The following DCC variants were observed in gnomAD, a reference collection of about 807,000 sequenced individuals.
DCC encodes the protein DCC netrin 1 receptor.
In DCC, 58 loss-of-function variants were observed where a neutral mutation model predicts 172.5. The ratio of observed to expected loss-of-function variants is 0.34; its 90% confidence interval spans 0.27 to 0.42. The LOEUF is 0.42. DCC is among the 10% of genes least tolerant of loss of function. The pLI, the probability that DCC is intolerant of heterozygous loss-of-function variation, is 1.00. For synonymous variants in DCC, 709 were observed against 644.5 expected (o/e 1.10, Z -1.52); for missense variants, 1,740 against 1,791.0 (o/e 0.97, Z 0.51).
In DCC at chr18:52,670,126, C is replaced by T. The variant is rs577527471; in HGVS notation, c.92-81928C>T. 4.6e-5 allele frequency among the ~76,000 whole-genome samples: 7 copies of T among 152,326 alleles called. No individual in the cohort carries two copies. The South Asian group carries it at 8.3e-4, about 18-fold the overall frequency. On this transcript the variant is annotated intron_variant, in intron 1 of 28. Coordinates refer to ENST00000442544, the MANE Select transcript of DCC (RefSeq NM_005215.4). ...TTCTTGGACAAAATGACCAAGATGA[C>T]GCAACCTCTGTTACCCACTGTTGTC... is the stretch of plus-strand genomic sequence containing the variant.
At chr18:53,342,815 A>C (rs1018562814) in intron 15 of DCC, among the ~76,000 whole-genome samples, 2 of 147,508 alleles carry the variant, frequency 1.4e-5, no homozygotes, top group African/African-American at 2.4e-5. Flanking sequence ...AGGACTGTTT[A>C]AATTATGCAT....
chr18:52,449,206 G>T (rs1306570233), intron 1 of DCC, among the ~76,000 whole-genome samples: 2 of 152,170 alleles, frequency 1.3e-5, no homozygotes, highest in Non-Finnish European at 2.9e-5. Flanking sequence ...GGAAAGACCT[G>T]ACCCCATGAT....
At chr18:53,454,895 C>T (rs138142847) in intron 23 of DCC, among the ~76,000 whole-genome samples, 275 of 152,194 alleles carry the variant, frequency 1.8e-3, no homozygotes, top group African/African-American at 6.4e-3. Context: ...TATCTTAATT[C>T]CATCTCAGAA....
chr18:52,560,358 A>G (rs2033008530), intron 1 of DCC, among the ~76,000 whole-genome samples: 1 of 152,242 alleles, frequency 6.6e-6, no homozygotes, highest in African/African-American at 2.4e-5. Flanking sequence ...CCGTTTATTC[A>G]ACTATTAAAA....
intron 20 of DCC, among the ~76,000 whole-genome samples, chr18:53,414,046 T>C (rs1419899721): frequency 6.6e-6 from 1 of 152,160 alleles, no homozygotes; most frequent in Non-Finnish European, 1.5e-5. Flanking sequence ...TAAAATGTAT[T>C]TGAGAAGCCA....
rs112748319 is a variant in DCC at position 52,988,707 on chromosome 18, A to T, written c.985+63337A>T. ...CATATAAAACTTTAATCTTTCTATT[A>T]AGAAGGAAAAAGATGTGACTTATGT... On this transcript the variant is annotated intron_variant, in intron 5 of 28. Transcript: ENST00000442544. Among the ~76,000 whole-genome samples, 1,076 of 152,222 alleles carry T rather than the reference A, an allele frequency of 7.1e-3. 18 individuals carry two copies. The highest frequency in any genetic ancestry group is 0.024 in the African/African-American group (1,011 of 41,564).
At chr18:53,249,457 A>G (rs1236793340) in intron 12 of DCC, among the ~76,000 whole-genome samples, 1 of 151,782 alleles carries the variant, frequency 6.6e-6, no homozygotes, top group African/African-American at 2.4e-5. Flanking sequence ...TATGTCTACG[A>G]CCTCGGGGTA....
intron 1 of DCC, among the ~76,000 whole-genome samples, chr18:52,453,749 G>C (rs1216706860): frequency 1.3e-5 from 2 of 151,700 alleles, no homozygotes; most frequent in Admixed American, 6.6e-5. Context: ...CTAACATCTT[G>C]CTCTGTGGCT....
At chr18:53,254,015 A>G (rs960731789) in intron 12 of DCC, among the ~76,000 whole-genome samples, 2 of 152,042 alleles carry the variant, frequency 1.3e-5, no homozygotes, top group Non-Finnish European at 2.9e-5. Flanking sequence ...GTATTAGCAT[A>G]AAGTGTCATA....
At chr18:53,521,996 A>T (rs2144597029) in intron 27 of DCC, among the ~76,000 whole-genome samples, 1 of 152,246 alleles carries the variant, frequency 6.6e-6, no homozygotes, top group Admixed American at 6.5e-5. Flanking sequence ...TAATCAGAAC[A>T]TTGCAAGCAT....
intron 1 of DCC, among the ~76,000 whole-genome samples, chr18:52,359,387 T>C (rs921209052): frequency 6.6e-6 from 1 of 152,208 alleles, no homozygotes. Flanking sequence ...GAATATCCCA[T>C]TTTAAGTAGC....
At chr18:52,949,947 A>G (rs1050941428) in intron 5 of DCC, among the ~76,000 whole-genome samples, 10 of 152,216 alleles carry the variant, frequency 6.6e-5, no homozygotes, top group African/African-American at 2.2e-4. Flanking sequence ...TTAGTAATAC[A>G]GTAGTCAGGG....
intron 27 of DCC, among the ~76,000 whole-genome samples, chr18:53,521,175 G>A (rs779917887): frequency 5.9e-5 from 9 of 152,130 alleles, no homozygotes; most frequent in Admixed American, 1.3e-4. Context: ...TCTTTGAGCC[G>A]AGACAATGTC....
intron 2 of DCC, among the ~76,000 whole-genome samples, chr18:52,814,826 A>G (rs1171533862): frequency 6.6e-6 from 1 of 152,180 alleles, no homozygotes; most frequent in African/African-American, 2.4e-5. Context: ...ATTGTGCATG[A>G]TTCTCTGAAT....
At chr18:52,793,401 C>T (rs574473304) in intron 2 of DCC, among the ~76,000 whole-genome samples, 1 of 152,156 alleles carries the variant, frequency 6.6e-6, no homozygotes, top group Non-Finnish European at 1.5e-5. Context: ...TTTGAAGCTG[C>T]TTTTTATTAA....
chr18:53,444,078 C>T (rs533608516), intron 22 of DCC, among the ~76,000 whole-genome samples: 27 of 152,148 alleles, frequency 1.8e-4, no homozygotes, highest in African/African-American at 5.8e-4. Context: ...GGTAATATTA[C>T]GTAAACTTAG....
intron 19 of DCC, among the ~76,000 whole-genome samples, chr18:53,404,820 A>C (rs908345769): frequency 6.6e-6 from 1 of 152,146 alleles, no homozygotes; most frequent in Admixed American, 6.5e-5. Flanking sequence ...ATCACAGTGC[A>C]TATAAAAGAA....
At chr18:52,718,262 G>A (rs1271277197) in intron 1 of DCC, among the ~76,000 whole-genome samples, 2 of 152,156 alleles carry the variant, frequency 1.3e-5, no homozygotes, top group African/African-American at 2.4e-5. Flanking sequence ...ATTTGACTGG[G>A]GTATTGGTCA....
intron 5 of DCC, among the ~76,000 whole-genome samples, chr18:52,956,977 A>T (rs575416534): frequency 1.3e-5 from 2 of 152,248 alleles, no homozygotes; most frequent in South Asian, 4.2e-4. Context: ...TATTGCTTTG[A>T]ATCTCTTGCA....
Sources: gnomAD v4.1 joint callset for allele counts (sites outside exome capture counted in the v4.1 genomes callset) on GRCh38, gnomAD v4.1.1 for gene constraint, MANE v1.5 for transcripts, NCBI Gene and HGNC (gene_info 2026-07-23, HGNC 2026-07-21) for gene names.